PRSS16: variants seen among roughly 807,000 people sequenced by gnomAD.
PRSS16 encodes the protein serine protease 16, also known as thymus-specific serine protease.
In PRSS16, 43 loss-of-function variants were observed where a neutral mutation model predicts 61.7. The ratio of observed to expected loss-of-function variants is 0.70; its 90% CI spans 0.55 to 0.90. The LOEUF is 0.90. Ranked by LOEUF, PRSS16 falls within the 40% of genes least tolerant of loss-of-function variation. The probability of loss-of-function intolerance (pLI) is 0.00; values close to 1 mark genes in which losing one functional copy is unlikely to be tolerated. For synonymous variants in PRSS16, 273 were observed against 285.2 expected (o/e 0.96, Z 0.43); for missense variants, 591 against 659.1 (o/e 0.90, Z 1.13).
At position 27,255,311 on chromosome 6, in the gene PRSS16, T is replaced by C. The variant is rs1350587418; in HGVS notation, c.1541T>C (p.Val514Ala). ...AAGGAGAGCCAGATTAAGGGTGAAG[T>C]CTGAATCTCATACCCTTTCCACTCC... ...LAKESQIKGE[V>A] The change falls in exon 12 of 12, where the codon GTC (valine) becomes GCC (alanine). Residue 514 changes from valine (V) to alanine (A), a missense_variant. Transcript: ENST00000230582. The surrounding 1 kb of genome is among the most constrained non-coding windows in gnomAD (Gnocchi z 4.4). 4.4e-6 allele frequency: 7 copies of C among 1,606,944 alleles called. No homozygotes were observed. Among genetic ancestry groups the C allele is most frequent in the Non-Finnish European group, 6.0e-6 (7 of 1,175,166 alleles).
chr6:27,251,047 C>G lies in PRSS16; in HGVS notation c.597C>G (p.Pro199=). Residue 199 remains proline, a synonymous_variant, in exon 6 of 12, where the codon CCC becomes CCG. Transcript: ENST00000230582. The surrounding 1 kb of genome is among the most constrained non-coding windows in gnomAD (Gnocchi z 5.6). ...SLAAWARLKF[P]HLIFASVASS... ...GACGGCGTCTCCTCCCTTAGTTCCCCCATCTCATTTTCGCGTCGGTCGCCT... is the reference window on the plus strand; with the variant it reads ...GACGGCGTCTCCTCCCTTAGTTCCCGCATCTCATTTTCGCGTCGGTCGCCT... 1 of 1,613,984 alleles carries G rather than the reference C, an allele frequency of 6.2e-7. No homozygotes were observed. The highest frequency in any genetic ancestry group is 1.3e-5 in the African/African-American group (1 of 75,068).
Position 27,251,580 on chromosome 6 carries a change from G to A in PRSS16, c.718-170G>A. ...ACCCGAGAAGGAGGGCTGCGAGGCA[G>A]GGGATTGGGGGCGGGGGCCTGGGGG... On this transcript the variant is annotated intron_variant, in intron 7 of 11. Transcript: ENST00000230582. This position sits in a 1 kb window ranked among gnomAD's most constrained non-coding sequence, Gnocchi z 5.6. 1 of 900,966 alleles carries A rather than the reference G, an allele frequency of 1.1e-6. No homozygotes were observed. Among genetic ancestry groups the A allele is most frequent in the Non-Finnish European group, 1.6e-6 (1 of 619,120 alleles). 55.8% of individuals were successfully genotyped at this position (900,966 alleles called of 1,614,324 possible). A position where few individuals can be genotyped will look rare whatever the true frequency, so the allele number is the denominator to read the frequency against.
Position 27,256,580 on chromosome 6 carries a change from G to C in PRSS16, c.*1265G>C, listed in dbSNP as rs1760033882. The stretch of plus-strand genomic sequence containing the variant: ...TCAATCTCCACTACACTTTAGTTCT[G>C]CCTGTTCTTGATCTTTATATAAATG... On this transcript the variant is annotated 3_prime_UTR_variant, in exon 12 of 12. Coordinates refer to ENST00000230582, the MANE Select transcript of PRSS16 (RefSeq NM_005865.4). 6.6e-6 allele frequency: 1 copy of C among 152,170 alleles called. No homozygotes were observed. The highest frequency in any genetic ancestry group is 2.4e-5 in the African/African-American group (1 of 41,426). 9.4% of individuals were successfully genotyped at this position (152,170 alleles called of 1,614,324 possible).
At position 27,250,667 on chromosome 6, in the gene PRSS16, C is replaced by T. The variant is rs369531261; in HGVS notation, c.468-16C>T. On this transcript the variant is annotated splice_polypyrimidine_tract_variant and intron_variant, in intron 4 of 11. Coordinates refer to ENST00000230582, the MANE Select transcript of PRSS16 (RefSeq NM_005865.4). ...CCCAGCGATGAGGACCGACCGAGTC[C>T]CCCCTTTGACCCTAGGCTGGCTGAT... 1.0e-4 allele frequency: 166 copies of T among 1,585,964 alleles called. No homozygotes were observed. The highest frequency in any genetic ancestry group is 1.4e-4 in the Non-Finnish European group (160 of 1,167,670).
Position 27,255,568 on chromosome 6 carries a change from T to C in PRSS16, c.*253T>C. 2.3e-6 allele frequency: 1 copy of C among 430,342 alleles called. No homozygotes were observed. The highest frequency in any genetic ancestry group is 2.6e-5 in the South Asian group (1 of 37,946). 26.7% of individuals were successfully genotyped at this position (430,342 alleles called of 1,614,324 possible). A position where few individuals can be genotyped will look rare whatever the true frequency, so the allele number is the denominator to read the frequency against. ...ATATTGGTATTTTGAATGTTAAATG[T>C]CAAACAAATGTGACTTATGCTGGTG... On this transcript the variant is annotated 3_prime_UTR_variant, in exon 12 of 12. Coordinates refer to ENST00000230582, the MANE Select transcript of PRSS16 (RefSeq NM_005865.4). The surrounding 1 kb of genome is among the most constrained non-coding windows in gnomAD (Gnocchi z 4.4).
In PRSS16 at chr6:27,252,378, T is replaced by C; in HGVS notation, c.1008+338T>C. On this transcript the variant is annotated intron_variant, in intron 8 of 11. Coordinates refer to ENST00000230582, the MANE Select transcript of PRSS16 (RefSeq NM_005865.4). The surrounding 1 kb of genome is among the most constrained non-coding windows in gnomAD (Gnocchi z 4.2). ...TTTTAGAATGAATGAAAAAATGTTA[T>C]CTCTGGGGATAGGGTTCTCCTAGGT... is the stretch of plus-strand genomic sequence containing the variant. 2.5e-6 allele frequency: 1 copy of C among 393,662 alleles called. No homozygotes were observed. The highest frequency in any genetic ancestry group is 4.5e-6 in the Non-Finnish European group (1 of 221,276). The allele number at this position is 393,662 out of a possible 1,614,324, so 24.4% of individuals were successfully genotyped here.
chr6:27,255,619 G>A lies in PRSS16; in HGVS notation c.*304G>A. The A allele has an allele frequency of 3.5e-6, 1 of 286,584 alleles. No homozygotes were observed. The highest frequency in any genetic ancestry group is 6.7e-6 in the Non-Finnish European group (1 of 148,526). The allele number at this position is 286,584 out of a possible 1,614,324, so 17.8% of individuals were successfully genotyped here. A position where few individuals can be genotyped will look rare whatever the true frequency, so the allele number is the denominator to read the frequency against. On this transcript the variant is annotated 3_prime_UTR_variant, in exon 12 of 12. Transcript: ENST00000230582. The surrounding 1 kb of genome is among the most constrained non-coding windows in gnomAD (Gnocchi z 4.4). ...CCCTCGCCCTGCTGATCAGATTCTG[G>A]TTCAAATTCTGCCACTCCAGCTCCT...
chr6:27,248,008 T>C lies in PRSS16; in HGVS notation c.197T>C (p.Leu66Pro), dbSNP rs1179587921. 1.9e-6 allele frequency: 3 copies of C among 1,613,864 alleles called. No individual in the cohort carries two copies. The South Asian group carries it at 3.3e-5, about 18-fold the overall frequency. ...LPKVGWLEQL[L>P]DPFNVSDRRS... ...AAAGTGGGGTGGCTGGAGCAACTGC[T>C]GGACCCCTTCAACGTGTCCGACAGA... Residue 66 changes from leucine to proline, a missense_variant, in exon 2 of 12, where the codon CTG (leucine) becomes CCG (proline). By Grantham distance (98) the Leu-to-Pro change is moderately conservative. Transcript: ENST00000230582.
rs746553549 is a variant in PRSS16 at position 27,250,822 on chromosome 6, C to T, written c.591+16C>T. The T allele has an allele frequency of 1.9e-6, 3 of 1,598,678 alleles. No individual in the cohort carries two copies. Among genetic ancestry groups the T allele is most frequent in the Non-Finnish European group, 8.5e-7 (1 of 1,173,434 alleles). On this transcript the variant is annotated intron_variant, in intron 5 of 11. Coordinates refer to ENST00000230582, the MANE Select transcript of PRSS16 (RefSeq NM_005865.4). The stretch of plus-strand genomic sequence containing the variant: ...CCGGCTGAAGGTCCTGCGACTCCTC[C>T]GGGTGGGCTGGGGGGAGGGAACTCG...
rs1760025171 is a variant in PRSS16, at chr6:27,256,128, G to A, written c.*813G>A. The A allele has an allele frequency of 6.6e-6, 1 of 152,278 alleles. No homozygotes were observed. The allele number at this position is 152,278 out of a possible 1,614,324, so 9.4% of individuals were successfully genotyped here. On this transcript the variant is annotated 3_prime_UTR_variant, in exon 12 of 12. Coordinates refer to ENST00000230582, the MANE Select transcript of PRSS16 (RefSeq NM_005865.4). ...TCTGTCTCCCTGAGGCTCTATTTCT[G>A]TCTCTGATGCTCTTCTTCTGTGTCT...
In PRSS16 at chr6:27,255,491, C is replaced by T; in HGVS notation, c.*176C>T. On this transcript the variant is annotated 3_prime_UTR_variant, in exon 12 of 12. Coordinates refer to ENST00000230582, the MANE Select transcript of PRSS16 (RefSeq NM_005865.4). The surrounding 1 kb of genome is among the most constrained non-coding windows in gnomAD (Gnocchi z 4.4). ...ACATCCTTATTCCCAACTTAAAGTGCTTTATTGCAGAGAGTTATGGAAATA... is the reference window on the plus strand; with the variant it reads ...ACATCCTTATTCCCAACTTAAAGTGTTTTATTGCAGAGAGTTATGGAAATA... 1 of 614,872 alleles carries T rather than the reference C, an allele frequency of 1.6e-6. No homozygotes were observed. Among genetic ancestry groups the T allele is most frequent in the South Asian group, 2.1e-5 (1 of 48,432 alleles). 38.1% of individuals were successfully genotyped at this position (614,872 alleles called of 1,614,324 possible).
At position 27,249,362 on chromosome 6, in the gene PRSS16, T is replaced by A. The variant is rs181479026; in HGVS notation, c.467+133T>A. 4.2e-6 allele frequency: 5 copies of A among 1,198,330 alleles called. No homozygotes were observed. In the East Asian group the frequency reaches 1.2e-4, roughly 29 times the overall value. The allele number at this position is 1,198,330 out of a possible 1,614,324, so 74.2% of individuals were successfully genotyped here. ...GTCTCTGGTTCCCTCTGTTTTCTTC[T>A]GTGTTTCATAGGGTCTTGTTTTTTC... is the stretch of plus-strand genomic sequence containing the variant. On this transcript the variant is annotated intron_variant, in intron 4 of 11. Coordinates refer to ENST00000230582, the MANE Select transcript of PRSS16 (RefSeq NM_005865.4).
chr6:27,254,092 A>G (rs1759978263), intron 9 of PRSS16: 2 of 152,618 alleles, frequency 1.3e-5, no homozygotes, highest in African/African-American at 2.4e-5. Context: ...ACAGCCTGTC[A>G]TAATACATTT....
rs1347964793 is a variant in PRSS16, at chr6:27,252,831, G to GA, written c.1034dup (p.Cys346ValfsTer25). 6.2e-7 allele frequency: 1 copy of GA among 1,614,040 alleles called. No homozygotes were observed. The highest frequency in any genetic ancestry group is 2.2e-5 in the East Asian group (1 of 44,888). ...AGATTGTCTTGCACAGCCTGGGCCA[G>GA]AAGTGTTTAAGCTTTTCCCGAGCAG... On this transcript the variant is annotated frameshift_variant, in exon 9 of 12. Transcript: ENST00000230582. LOFTEE classifies it high-confidence loss of function. This position sits in a 1 kb window ranked among gnomAD's most constrained non-coding sequence, Gnocchi z 4.2.
intron 10 of PRSS16, 54 bp downstream of exon 10, chr6:27,254,926 C>T: frequency 6.2e-7 from 1 of 1,611,776 alleles, no homozygotes; most frequent in South Asian, 1.1e-5. Context: ...CCCAGCTCAA[C>T]ATAGCCTCAT....
In PRSS16 at chr6:27,251,835, A is replaced by G. The variant is rs1190674533; in HGVS notation, c.803A>G (p.Glu268Gly). 1.2e-6 allele frequency: 2 copies of G among 1,612,540 alleles called. No individual in the cohort carries two copies. Among genetic ancestry groups the G allele is most frequent in the Admixed American group, 3.3e-5 (2 of 59,888 alleles). Reference protein sequence around the residue: ...GGAAQAALRTELSACGPLGRA... With the variant: ...GGAAQAALRTGLSACGPLGRA... ...GCGGCTCAAGCAGCATTGCGGACGG[A>G]GCTGAGCGCTTGCGGGCCCCTGGGC... The change falls in exon 8 of 12, where the codon GAG becomes GGG. Residue 268 changes from glutamate to glycine, a missense_variant. By Grantham distance (98) the Glu-to-Gly change is moderately conservative (BLOSUM62 -2). Transcript: ENST00000230582. This position sits in a 1 kb window ranked among gnomAD's most constrained non-coding sequence, Gnocchi z 5.6.
intron 5 of PRSS16, 95 bp from the exon 6 acceptor site, chr6:27,250,947 A>C: frequency 6.3e-7 from 1 of 1,579,592 alleles, no homozygotes; most frequent in Non-Finnish European, 8.6e-7. Context: ...TCCTCACAAG[A>C]GCCCGAGATT....
chr6:27,251,152 G>T lies in PRSS16; in HGVS notation c.669+33G>T. On this transcript the variant is annotated intron_variant, in intron 6 of 11. Coordinates refer to ENST00000230582, the MANE Select transcript of PRSS16 (RefSeq NM_005865.4). The surrounding 1 kb of genome is among the most constrained non-coding windows in gnomAD (Gnocchi z 5.6). ...TGGCGGGCAGCAGGTGCGGGACGGGGAGGGGTCCCAGCGGGCGGAGTCCCT... is the reference window on the plus strand; with the variant it reads ...TGGCGGGCAGCAGGTGCGGGACGGGTAGGGGTCCCAGCGGGCGGAGTCCCT... 3 of 1,614,050 alleles carry T rather than the reference G, an allele frequency of 1.9e-6. No individual in the cohort carries two copies. The highest frequency in any genetic ancestry group is 2.5e-6 in the Non-Finnish European group (3 of 1,180,020).
chr6:27,248,071 C>T, intron 2 of PRSS16, 23 bp downstream of exon 2: 1 of 1,606,562 alleles, frequency 6.2e-7, no homozygotes, highest in Non-Finnish European at 8.5e-7. Flanking sequence ...GACGGGGAGT[C>T]CACTAACCAT....
Sources: allele counts gnomAD v4.1 joint callset, GRCh38; gene constraint gnomAD v4.1.1; non-coding constraint Gnocchi (gnomAD v3.1); transcripts MANE v1.5; gene names NCBI Gene and HGNC (gene_info 2026-07-23, HGNC 2026-07-21).